Variants in LYZL4 observed in about 807,000 individuals in gnomAD.
The protein encoded by LYZL4 is lysozyme like 4, also known as lysozyme-like protein 4.
In LYZL4, 13 loss-of-function variants were observed where a neutral mutation model predicts 17.6. That is an observed-to-expected ratio of 0.74 (90% confidence interval 0.48 to 1.18). The LOEUF (loss-of-function observed/expected upper bound fraction) is 1.18. Among genes scored for constraint, LYZL4 ranks in the 50% most tolerant of loss-of-function variants. LYZL4 has a pLI of 0.00. For synonymous variants in LYZL4, 64 were observed against 67.7 expected, an observed-to-expected ratio of 0.95 and a Z score of 0.27; for missense variants, 174 against 188.2, an observed-to-expected ratio of 0.92 and a Z score of 0.44.
the LYZL4 span, among the ~76,000 whole-genome samples, chr3:42,364,149 C>T: frequency 6.6e-5 from 10 of 152,126 alleles, no homozygotes; most frequent in Non-Finnish European, 1.5e-4. Context: ...CATGGCCTCC[C>T]CGGCACTGAT....
chr3:42,406,140 GGCA>G (rs1342953874), intron 3 of LYZL4, among the ~76,000 whole-genome samples: 2 of 152,102 alleles, frequency 1.3e-5, no homozygotes, highest in African/African-American at 4.8e-5. Context: ...CTTTCAAAGT[GGCA>G]GCAACTGCCC....
chr3:42,366,137 A>C, the LYZL4 span, among the ~76,000 whole-genome samples: 2 of 152,130 alleles, frequency 1.3e-5, no homozygotes, highest in Non-Finnish European at 2.9e-5. Flanking sequence ...ATGTTTGTCC[A>C]CATTGGGAGG....
downstream of LYZL4, among the ~76,000 whole-genome samples, chr3:42,394,923 G>T (rs33514): frequency 6.6e-6 from 1 of 152,024 alleles, no homozygotes; most frequent in South Asian, 2.1e-4. Flanking sequence ...GATTGAGGTC[G>T]TGTGCATTAT....
the LYZL4 span, among the ~76,000 whole-genome samples, chr3:42,384,135 T>C: frequency 6.6e-6 from 1 of 152,160 alleles, no homozygotes; most frequent in Non-Finnish European, 1.5e-5. Context: ...CAAAAATGGC[T>C]TATGGCTAAT....
At chr3:42,404,169 G>C (rs2125602009) in intron 3 of LYZL4, 45 bp from the exon 4 acceptor site, 1 of 1,332,716 alleles carries the variant, frequency 7.5e-7, no homozygotes, top group Non-Finnish European at 1.1e-6. Context: ...CCATATGACA[G>C]TTAAGTTAGA....
chr3:42,367,753 C>T, the LYZL4 span, among the ~76,000 whole-genome samples: 1 of 152,236 alleles, frequency 6.6e-6, no homozygotes, highest in African/African-American at 2.4e-5. Flanking sequence ...GTCCTTGGCT[C>T]TGCTGGGTAC....
intron 3 of LYZL4, among the ~76,000 whole-genome samples, chr3:42,406,236 G>A (rs764714317): frequency 6.6e-6 from 1 of 152,058 alleles, no homozygotes; most frequent in East Asian, 1.9e-4. Flanking sequence ...GGCAGATCAC[G>A]AGGTCAGGAG....
chr3:42,378,010 G>T, the LYZL4 span, among the ~76,000 whole-genome samples: 1 of 152,140 alleles, frequency 6.6e-6, no homozygotes, highest in Non-Finnish European at 1.5e-5. Context: ...TTCTCCCCTG[G>T]ATCTATCAGG....
Position 42,404,061 on chromosome 3 carries a change from T to C in LYZL4, c.356A>G (p.Glu119Gly), listed in dbSNP as rs1399067162. ...KCAKTIVKGK[E>G]GMGAWPTWSR... is the part of the protein sequence containing the mutation. ...TAAGACTTACCATGCTCCCATCCCTTCTTTTCCTTTTACAATGGTCTTGGC... is the reference window on the plus strand; with the variant it reads ...TAAGACTTACCATGCTCCCATCCCTCCTTTTCCTTTTACAATGGTCTTGGC... The change falls in exon 4 of 5, where the codon GAA becomes GGA. Residue 119 changes from glutamate (E) to glycine (G), a missense_variant. Physicochemically the swap from Glu to Gly is moderately conservative, Grantham distance 98. Transcript: ENST00000287748. 1.9e-6 allele frequency: 3 copies of C among 1,610,470 alleles called. No homozygotes were observed. Among genetic ancestry groups the C allele is most frequent in the South Asian group, 1.1e-5 (1 of 90,958 alleles).
chr3:42,390,364 T>C, the LYZL4 span, among the ~76,000 whole-genome samples: 1 of 152,184 alleles, frequency 6.6e-6, no homozygotes, highest in African/African-American at 2.4e-5. Context: ...GAAGTGGCTA[T>C]GGTGACAAGG....
chr3:42,403,631 T>A (rs1035538409), intron 4 of LYZL4, among the ~76,000 whole-genome samples: 6 of 152,164 alleles, frequency 3.9e-5, no homozygotes, highest in Non-Finnish European at 8.8e-5. Flanking sequence ...GCAGTAAATC[T>A]ACATTTTACT....
intron 4 of LYZL4, among the ~76,000 whole-genome samples, chr3:42,398,939 T>G (rs1402213412): frequency 6.6e-6 from 1 of 151,702 alleles, no homozygotes; most frequent in Admixed American, 6.6e-5. Context: ...TTTATGCAAA[T>G]AAAATGAATA....
intron 1 of LYZL4, 195 bp from the exon 2 acceptor site, chr3:42,407,538 C>T (rs1219206337): frequency 2.3e-6 from 1 of 427,860 alleles, no homozygotes; most frequent in Non-Finnish European, 4.3e-6. Flanking sequence ...GGCCCCCTCC[C>T]AACCCCAATT....
At chr3:42,403,954 A>G in intron 4 of LYZL4, 92 bp downstream of exon 4, 1 of 903,582 alleles carries the variant, frequency 1.1e-6, no homozygotes, top group Admixed American at 2.2e-5. Context: ...TTGGCACTGC[A>G]CGTGCGCAAC....
At chr3:42,399,848 G>A (rs992680162) in intron 4 of LYZL4, among the ~76,000 whole-genome samples, 1 of 152,000 alleles carries the variant, frequency 6.6e-6, no homozygotes, top group Non-Finnish European at 1.5e-5. Flanking sequence ...CAGAGCTAGA[G>A]GCTGGAGATA....
chr3:42,406,564 A>T (rs1333759594), intron 3 of LYZL4, among the ~76,000 whole-genome samples: 7 of 151,446 alleles, frequency 4.6e-5, no homozygotes, highest in African/African-American at 1.7e-4. Flanking sequence ...TCAGGCTCTG[A>T]TGCCTGCAGC....
intron 4 of LYZL4, 152 bp downstream of exon 4, chr3:42,403,894 G>A: frequency 3.7e-6 from 2 of 537,970 alleles, no homozygotes; most frequent in Non-Finnish European, 6.6e-6. Flanking sequence ...CTGTGGCCTT[G>A]AGGTTGTGGT....
chr3:42,387,327 T>C, the LYZL4 span, among the ~76,000 whole-genome samples: 1 of 152,208 alleles, frequency 6.6e-6, no homozygotes, highest in Non-Finnish European at 1.5e-5. Context: ...CTTCATGAGA[T>C]AACTTATGTG....
At chr3:42,387,132 A>G in the LYZL4 span, among the ~76,000 whole-genome samples, 3 of 152,164 alleles carry the variant, frequency 2.0e-5, no homozygotes, top group East Asian at 5.8e-4. Flanking sequence ...AATAATAACA[A>G]CATACTGTGC....
Sources: allele counts gnomAD v4.1 joint callset (sites outside exome capture counted in the v4.1 genomes callset), GRCh38; gene constraint gnomAD v4.1.1; transcripts MANE v1.5; gene names NCBI Gene and HGNC (gene_info 2026-07-23, HGNC 2026-07-21).